The following PTPRD variants were observed in gnomAD, a reference collection of about 807,000 sequenced individuals.
PTPRD encodes the protein receptor-type tyrosine-protein phosphatase delta.
A neutral mutation model predicts 214.5 loss-of-function variants in PTPRD; 34 were observed. The observed-to-expected ratio is 0.16, with a 90% CI of 0.12 to 0.21. PTPRD has a LOEUF of 0.21. Ranked by LOEUF, PTPRD falls within the 10% of genes least tolerant of loss-of-function variation. The probability of loss-of-function intolerance (pLI) is 1.00; values close to 1 mark genes in which losing one functional copy is unlikely to be tolerated. For missense variants in PTPRD, 2,545 were observed against 2,398.7 expected, an observed-to-expected ratio of 1.06 and a Z score of -1.27; for synonymous variants, 1,128 against 845.7, an observed-to-expected ratio of 1.33 and a Z score of -5.79.
intron 7 of PTPRD, among the ~76,000 whole-genome samples, chr9:9,699,758 A>G (rs778087091): frequency 6.6e-6 from 1 of 152,184 alleles, no homozygotes; most frequent in Non-Finnish European, 1.5e-5. Flanking sequence ...TTATCCACTA[A>G]TTAGAACTGG....
chr9:8,717,397 G>A (rs140907358), intron 12 of PTPRD, among the ~76,000 whole-genome samples: 2 of 152,154 alleles, frequency 1.3e-5, no homozygotes, highest in East Asian at 3.9e-4. Flanking sequence ...TCCACCTCTT[G>A]AATAAGTTTT....
At chr9:8,517,748 A>G in intron 21 of PTPRD, 100 bp downstream of exon 21, 1 of 1,048,144 alleles carries the variant, frequency 9.5e-7, no homozygotes. Context: ...CTCAAAAATT[A>G]AAATTCATAC....
intron 11 of PTPRD, among the ~76,000 whole-genome samples, chr9:8,839,357 G>T (rs980249897): frequency 6.6e-6 from 1 of 150,916 alleles, no homozygotes; most frequent in Non-Finnish European, 1.5e-5. Context: ...ATGGAGTCTC[G>T]CTCTGTCACC....
intron 14 of PTPRD, among the ~76,000 whole-genome samples, chr9:8,569,205 C>T (rs369744298): frequency 1.1e-4 from 17 of 151,972 alleles, no homozygotes; most frequent in South Asian, 2.1e-4. Flanking sequence ...CCCCAAGAAC[C>T]GCTATCTCTT....
chr9:9,040,269 A>T (rs2099635458), intron 10 of PTPRD, among the ~76,000 whole-genome samples: 1 of 152,156 alleles, frequency 6.6e-6, no homozygotes, highest in Admixed American at 6.6e-5. Context: ...TCAGATTCAG[A>T]TACTTTTACA....
At chr9:9,447,901 G>C (rs1370045098) in intron 8 of PTPRD, among the ~76,000 whole-genome samples, 1 of 152,066 alleles carries the variant, frequency 6.6e-6, no homozygotes, top group Non-Finnish European at 1.5e-5. Flanking sequence ...CCAGATTAAA[G>C]AAATGACTGA....
chr9:9,608,530 C>T (rs1391932701), intron 7 of PTPRD, among the ~76,000 whole-genome samples: 1 of 152,086 alleles, frequency 6.6e-6, no homozygotes, highest in Non-Finnish European at 1.5e-5. Context: ...GGCATATTTT[C>T]CAGAAGACTA....
intron 3 of PTPRD, among the ~76,000 whole-genome samples, chr9:10,090,800 G>A (rs1050637287): frequency 4.1e-5 from 6 of 148,096 alleles, no homozygotes; most frequent in East Asian, 4.0e-4. Flanking sequence ...TTGATCGGCA[G>A]CATTTTTCTT....
chr9:9,743,902 A>G (rs2098433121), intron 6 of PTPRD, among the ~76,000 whole-genome samples: 1 of 152,138 alleles, frequency 6.6e-6, no homozygotes, highest in Non-Finnish European at 1.5e-5. Flanking sequence ...CGATAAATCT[A>G]TACATTGTAG....
intron 3 of PTPRD, among the ~76,000 whole-genome samples, chr9:10,291,816 G>T (rs1394105768): frequency 6.6e-6 from 1 of 152,032 alleles, no homozygotes; most frequent in Non-Finnish European, 1.5e-5. Context: ...AGAAGCCAGA[G>T]GAAACTAATG....
At chr9:8,623,538 T>C (rs2154303602) in intron 14 of PTPRD, among the ~76,000 whole-genome samples, 1 of 152,000 alleles carries the variant, frequency 6.6e-6, no homozygotes, top group South Asian at 2.1e-4. Context: ...TTCCCTTTAA[T>C]CAAATAATTT....
chr9:8,770,807 CA>C (rs2095146620), intron 11 of PTPRD, among the ~76,000 whole-genome samples: 1 of 152,092 alleles, frequency 6.6e-6, no homozygotes, highest in South Asian at 2.1e-4. Flanking sequence ...AGGCAAAACA[CA>C]ATAGAAACCT....
chr9:9,500,584 G>A (rs191769688), intron 8 of PTPRD, among the ~76,000 whole-genome samples: 62 of 152,154 alleles, frequency 4.1e-4, no homozygotes, highest in South Asian at 1.5e-3. Context: ...TGGGTTCCCT[G>A]TGGAACACTG....
intron 8 of PTPRD, among the ~76,000 whole-genome samples, chr9:9,430,874 C>A (rs111695196): frequency 0.063 from 9,647 of 152,186 alleles, 337 homozygotes; most frequent in Middle Eastern, 0.17. Context: ...AACTGGATCC[C>A]TTCCTTACAC....
At chr9:8,454,811 A>AGT (rs3043784) in intron 33 of PTPRD, among the ~76,000 whole-genome samples, 2,110 of 148,700 alleles carry the variant, frequency 0.014, 15 homozygotes, top group African/African-American at 0.016. Context: ...CTGAATACAT[A>AGT]GTGTGTGTGT....
intron 32 of PTPRD, among the ~76,000 whole-genome samples, chr9:8,463,088 C>T (rs1003528401): frequency 6.6e-6 from 1 of 151,654 alleles, no homozygotes; most frequent in African/African-American, 2.4e-5. Context: ...TAACCTGCAT[C>T]TTTAAAAAAT....
chr9:8,429,297 C>T (rs2094894316), intron 35 of PTPRD, among the ~76,000 whole-genome samples: 1 of 152,010 alleles, frequency 6.6e-6, no homozygotes, highest in African/African-American at 2.4e-5. Flanking sequence ...CTGGTTTTAC[C>T]ACACATAGTA....
At chr9:10,150,290 A>G (rs2099051994) in intron 3 of PTPRD, among the ~76,000 whole-genome samples, 1 of 152,206 alleles carries the variant, frequency 6.6e-6, no homozygotes, top group Non-Finnish European at 1.5e-5. Context: ...GACTGGATTA[A>G]GAAAGTGTGG....
At chr9:10,165,140 C>A (rs918073996) in intron 3 of PTPRD, among the ~76,000 whole-genome samples, 6 of 151,702 alleles carry the variant, frequency 4.0e-5, no homozygotes, top group Admixed American at 2.0e-4. Context: ...GATGGAATAG[C>A]TCACAGTCCT....
Sources: allele counts gnomAD v4.1 joint callset (sites outside exome capture counted in the v4.1 genomes callset), GRCh38; gene constraint gnomAD v4.1.1; transcripts MANE v1.5; gene names NCBI Gene and HGNC (gene_info 2026-07-23, HGNC 2026-07-21).